LINGO2: variants seen among roughly 807,000 people sequenced by gnomAD.
The protein encoded by LINGO2 is leucine-rich repeat and immunoglobulin-like domain-containing nogo receptor-interacting protein 2.
Under a neutral mutation model 30.6 loss-of-function variants are expected in LINGO2, and 14 were observed. The observed-to-expected ratio is 0.46, with a 90% CI of 0.30 to 0.72. The LOEUF (loss-of-function observed/expected upper bound fraction) is 0.72, where lower values mean the gene tolerates loss of function less well. Among genes scored for constraint, LINGO2 ranks in the 30% least tolerant of loss-of-function variants. The pLI, the probability that LINGO2 is intolerant of heterozygous loss-of-function variation, is 0.07. For synonymous variants in LINGO2, 317 were observed against 288.5 expected, an observed-to-expected ratio of 1.10 and a Z score of -1.00; for missense variants, 729 against 751.7, an observed-to-expected ratio of 0.97 and a Z score of 0.35.
At chr9:29,102,682 G>T in the LINGO2 span, among the ~76,000 whole-genome samples, 2 of 152,124 alleles carry the variant, frequency 1.3e-5, no homozygotes, top group African/African-American at 4.8e-5. Context: ...GAAGAGAATA[G>T]TGACTGCAAC....
the LINGO2 span, among the ~76,000 whole-genome samples, chr9:29,045,882 G>T: frequency 1.3e-5 from 2 of 152,010 alleles, no homozygotes; most frequent in African/African-American, 4.8e-5. Flanking sequence ...ATATTCTTAG[G>T]TATGTTATTC....
chr9:28,309,360 C>T lies in LINGO2; in HGVS notation c.-245-13994G>A, dbSNP rs545170324. Reference sequence around the variant, plus strand: ...AAAAACCAAACACCGCATATTCTCACTCATAGGTGGGAATTGAACAATGAG... The same window carrying T: ...AAAAACCAAACACCGCATATTCTCATTCATAGGTGGGAATTGAACAATGAG... On this transcript the variant is annotated intron_variant, in intron 3 of 5. Transcript: ENST00000379992. Among the ~76,000 whole-genome samples, 3 of 150,354 alleles carry T rather than the reference C, an allele frequency of 2.0e-5. No homozygotes were observed. The South Asian group carries it at 6.3e-4, about 31-fold the overall frequency.
chr9:28,699,000 C>A, the LINGO2 span, among the ~76,000 whole-genome samples: 28 of 152,010 alleles, frequency 1.8e-4, no homozygotes, highest in Admixed American at 7.2e-4. Flanking sequence ...TATGATGATA[C>A]CACTGCACTC....
chr9:28,526,073 A>AAAAAAAAAAAAAAAAAC (rs1564266795), intron 1 of LINGO2, among the ~76,000 whole-genome samples: 2 of 150,740 alleles, frequency 1.3e-5, no homozygotes, highest in Non-Finnish European at 3.0e-5. Context: ...AAAAAAAAAA[A>AAAAAAAAAAAAAAAAAC]AAAGCCATTG....
At chr9:28,438,394 G>A (rs1043515401) in intron 2 of LINGO2, among the ~76,000 whole-genome samples, 1 of 152,140 alleles carries the variant, frequency 6.6e-6, no homozygotes, top group Non-Finnish European at 1.5e-5. Context: ...GTCTTCTTGA[G>A]CTGCGACATC....
intron 2 of LINGO2, among the ~76,000 whole-genome samples, chr9:28,448,193 G>T (rs1285118954): frequency 6.6e-6 from 1 of 152,100 alleles, no homozygotes. Flanking sequence ...GCATTAAAAT[G>T]CTGTATGAGT....
chr9:27,951,653 T>C (rs1819318502), intron 5 of LINGO2, among the ~76,000 whole-genome samples: 1 of 152,080 alleles, frequency 6.6e-6, no homozygotes, highest in Non-Finnish European at 1.5e-5. Flanking sequence ...TCCAACTGAA[T>C]AAATAAAAGG....
chr9:28,108,624 G>C (rs1165509726), intron 4 of LINGO2, among the ~76,000 whole-genome samples: 1 of 152,046 alleles, frequency 6.6e-6, no homozygotes, highest in Non-Finnish European at 1.5e-5. Flanking sequence ...TACTTTTCCT[G>C]TTAGGTTTGT....
intron 1 of LINGO2, among the ~76,000 whole-genome samples, chr9:28,487,791 C>T (rs1396378134): frequency 6.6e-6 from 1 of 152,044 alleles, no homozygotes; most frequent in Non-Finnish European, 1.5e-5. Context: ...CAGCTGCAGC[C>T]ATTAACCGAA....
chr9:28,813,348 TTAAC>T, the LINGO2 span, among the ~76,000 whole-genome samples: 6 of 152,278 alleles, frequency 3.9e-5, no homozygotes, highest in East Asian at 1.9e-4. Context: ...TGGTAAGAGA[TTAAC>T]TAATAAAATA....
At chr9:29,055,058 A>C in the LINGO2 span, among the ~76,000 whole-genome samples, 1 of 152,074 alleles carries the variant, frequency 6.6e-6, no homozygotes, top group African/African-American at 2.4e-5. Flanking sequence ...ATCTCTACTA[A>C]AAATACAAAA....
At chr9:28,238,466 T>C (rs1426515167) in intron 4 of LINGO2, among the ~76,000 whole-genome samples, 1 of 152,052 alleles carries the variant, frequency 6.6e-6, no homozygotes, top group Non-Finnish European at 1.5e-5. Flanking sequence ...CACAGCGGAA[T>C]AAAACTAGAA....
At chr9:28,228,015 A>G (rs1045605184) in intron 4 of LINGO2, among the ~76,000 whole-genome samples, 4 of 152,222 alleles carry the variant, frequency 2.6e-5, no homozygotes, top group African/African-American at 9.6e-5. Flanking sequence ...ATTCATAAAT[A>G]GATCATCAGA....
intron 4 of LINGO2, among the ~76,000 whole-genome samples, chr9:28,121,389 G>T (rs1827093273): frequency 6.6e-6 from 1 of 152,052 alleles, no homozygotes. Context: ...TAGAGTTTTT[G>T]TTCTTGCTTT....
intron 1 of LINGO2, among the ~76,000 whole-genome samples, chr9:28,514,917 C>T (rs2135379071): frequency 7.0e-6 from 1 of 142,706 alleles, no homozygotes; most frequent in East Asian, 2.1e-4. Context: ...GCTAAATCTA[C>T]TCTGCCTATG....
chr9:28,414,122 C>A (rs1822880221), intron 2 of LINGO2, among the ~76,000 whole-genome samples: 1 of 151,948 alleles, frequency 6.6e-6, no homozygotes, highest in South Asian at 2.1e-4. Flanking sequence ...CATAAGCTTT[C>A]TACCCCAGGG....
chr9:28,763,808 A>C, the LINGO2 span, among the ~76,000 whole-genome samples: 1 of 151,544 alleles, frequency 6.6e-6, no homozygotes, highest in Admixed American at 6.6e-5. Flanking sequence ...GAGAGAGAGG[A>C]TACAAATAAA....
the LINGO2 span, among the ~76,000 whole-genome samples, chr9:28,684,707 C>T: frequency 9.9e-5 from 15 of 151,626 alleles, no homozygotes; most frequent in African/African-American, 3.6e-4. Context: ...TTAGTAGAGA[C>T]AGGGTTTCAC....
At chr9:28,804,300 A>T in the LINGO2 span, among the ~76,000 whole-genome samples, 22 of 152,212 alleles carry the variant, frequency 1.4e-4, no homozygotes, top group African/African-American at 5.3e-4. Flanking sequence ...TTATAAGTTG[A>T]TGTCCATCGA....
Sources: allele counts gnomAD v4.1 joint callset (sites outside exome capture counted in the v4.1 genomes callset), GRCh38; gene constraint gnomAD v4.1.1; transcripts MANE v1.5; gene names NCBI Gene and HGNC (gene_info 2026-07-23, HGNC 2026-07-21).